The following NFE2L1 variants were observed in gnomAD, a reference collection of about 807,000 sequenced individuals.
NFE2L1 encodes endoplasmic reticulum membrane sensor NFE2L1.
A neutral mutation model predicts 61.6 loss-of-function variants in NFE2L1; 18 were observed. That is an observed-to-expected ratio of 0.29 (90% CI 0.20 to 0.43). The LOEUF is 0.43. NFE2L1 is among the 20% of genes least tolerant of loss of function. The pLI, the probability that NFE2L1 is intolerant of heterozygous loss-of-function variation, is 1.00. For missense variants in NFE2L1, 827 were observed against 973.5 expected, an observed-to-expected ratio of 0.85 and a Z score of 2.00; for synonymous variants, 419 against 402.7, an observed-to-expected ratio of 1.04 and a Z score of -0.48.
rs1184231085 is a variant in NFE2L1 at position 48,050,683 on chromosome 17, G to A, written c.-436G>A. On this transcript the variant is annotated 5_prime_UTR_variant, in exon 2 of 6. Transcript: ENST00000362042. ...CCAAGACGAAAGGCCTGTAGCTCCAGCCAAAGAAAATAAACCTTAGGAGGG... is the reference window on the plus strand; with the variant it reads ...CCAAGACGAAAGGCCTGTAGCTCCAACCAAAGAAAATAAACCTTAGGAGGG... 11 of 438,188 alleles carry A rather than the reference G, an allele frequency of 2.5e-5. No homozygotes were observed. The highest frequency in any genetic ancestry group is 4.4e-5 in the Non-Finnish European group (11 of 248,372). 27.1% of individuals were successfully genotyped at this position (438,188 alleles called of 1,614,324 possible). A position where few individuals can be genotyped will look rare whatever the true frequency, so the allele number is the denominator to read the frequency against.
intron 2 of NFE2L1, among the ~76,000 whole-genome samples, chr17:48,053,231 T>C (rs1479917815): frequency 1.3e-5 from 2 of 152,130 alleles, no homozygotes; most frequent in African/African-American, 2.4e-5. Context: ...ATTGGGTGGG[T>C]TGGGGCCGAA....
At chr17:48,048,569 G>C (rs1423247181) in intron 1 of NFE2L1, 107 bp downstream of exon 1, 1 of 152,658 alleles carries the variant, frequency 6.6e-6, no homozygotes, top group East Asian at 1.9e-4. Flanking sequence ...CGGGGGCCGA[G>C]CGGGGTTCCC....
chr17:48,051,126 C>G lies in NFE2L1; in HGVS notation c.8C>G (p.Ser3Cys), dbSNP rs1296024456. Residue 3 changes from serine to cysteine, a missense_variant, in exon 2 of 6, where the codon TCT (serine) becomes TGT (cysteine). Ser to Cys is a moderately radical substitution (Grantham distance 112). Coordinates refer to ENST00000362042, the MANE Select transcript of NFE2L1 (RefSeq NM_003204.3). Reference protein sequence around the residue: MLSLKKYLTEGLL... With the variant: MLCLKKYLTEGLL... ...CATTCTGGTCCTTCAGCAATGCTTT[C>G]TCTGAAGAAATACTTAACGGAAGGA... 1.9e-6 allele frequency: 3 copies of G among 1,614,206 alleles called. No homozygotes were observed. The Admixed American group carries it at 5.0e-5, about 27-fold the overall frequency.
At chr17:48,050,205 ACAGTGG>A (rs2037213711) in intron 1 of NFE2L1, among the ~76,000 whole-genome samples, 1 of 152,230 alleles carries the variant, frequency 6.6e-6, no homozygotes, top group Admixed American at 6.5e-5. Context: ...TAGGCCAGGC[ACAGTGG>A]CTCACGCCTG....
Position 48,058,479 on chromosome 17 carries a change from C to A in NFE2L1, c.1157C>A (p.Pro386His). Residue 386 changes from proline (P) to histidine (H), a missense_variant, in exon 6 of 6, where the codon CCT (proline) becomes CAT (histidine). By Grantham distance (77) the Pro-to-His change is moderately conservative. Coordinates refer to ENST00000362042, the MANE Select transcript of NFE2L1 (RefSeq NM_003204.3). ...LLFSPEVESL[P>H]VASSSTLLPL... ...TTCAGCCCCGAGGTGGAAAGCCTGC[C>A]TGTGGCCAGTAGCTCCACGCTGCTC... The A allele has an allele frequency of 6.2e-7, 1 of 1,613,740 alleles. No individual in the cohort carries two copies. The highest frequency in any genetic ancestry group is 8.5e-7 in the Non-Finnish European group (1 of 1,179,780).
chr17:48,058,744 C>T lies in NFE2L1; in HGVS notation c.1422C>T (p.Asp474=). The stretch of plus-strand genomic sequence containing the variant: ...CCTCCCAGCTGGAGGAGGAATTTGA[C>T]TCTGACTCAGGCCTTTCCTTAGACT... ...VQASQLEEEF[D]SDSGLSLDSS... The change falls in exon 6 of 6, where the codon GAC becomes GAT. Residue 474 remains aspartate (D), a synonymous_variant. Coordinates refer to ENST00000362042, the MANE Select transcript of NFE2L1 (RefSeq NM_003204.3). 2 of 1,614,238 alleles carry T rather than the reference C, an allele frequency of 1.2e-6. No homozygotes were observed. Among genetic ancestry groups the T allele is most frequent in the African/African-American group, 1.3e-5 (1 of 75,064 alleles).
rs1307081149 is a variant in NFE2L1, at chr17:48,058,920, T to A, written c.1598T>A (p.Leu533Gln). The change falls in exon 6 of 6, where the codon CTG (leucine) becomes CAG (glutamine). Residue 533 changes from leucine (L) to glutamine (Q), a missense_variant. Coordinates refer to ENST00000362042, the MANE Select transcript of NFE2L1 (RefSeq NM_003204.3). Reference protein sequence around the residue: ...AVGYSSDSETLDLEEAEGAVG... With the variant: ...AVGYSSDSETQDLEEAEGAVG... ...GGCTACAGCTCTGACTCTGAGACCC[T>A]GGATCTGGAAGAGGCCGAGGGTGCT... 4 of 1,613,950 alleles carry A rather than the reference T, an allele frequency of 2.5e-6. No individual in the cohort carries two copies. Among genetic ancestry groups the A allele is most frequent in the African/African-American group, 1.3e-5 (1 of 75,038 alleles).
At chr17:48,054,881 G>A (rs956419139) in intron 2 of NFE2L1, 28 of 1,362,732 alleles carry the variant, frequency 2.1e-5, no homozygotes, top group Non-Finnish European at 2.5e-5. Context: ...AGCACGGGCG[G>A]GGCACCCTCC....
At chr17:48,053,258 C>A (rs1348873283) in intron 2 of NFE2L1, among the ~76,000 whole-genome samples, 2 of 152,148 alleles carry the variant, frequency 1.3e-5, no homozygotes, top group Non-Finnish European at 2.9e-5. Context: ...GGGACTTTGA[C>A]CCTGCTTTCC....
chr17:48,052,272 A>G (rs2037272521), intron 2 of NFE2L1, among the ~76,000 whole-genome samples: 1 of 152,242 alleles, frequency 6.6e-6, no homozygotes, highest in Non-Finnish European at 1.5e-5. Context: ...CTGTCAGAAG[A>G]GATCCTTAGC....
chr17:48,057,931 C>T (rs2037444700), intron 5 of NFE2L1, among the ~76,000 whole-genome samples: 1 of 152,184 alleles, frequency 6.6e-6, no homozygotes, highest in African/African-American at 2.4e-5. Context: ...AAATGATGTG[C>T]CCATCGTCAC....
rs8080228 is a variant in NFE2L1, at chr17:48,049,532, A to G, written c.-513+1070A>G. On this transcript the variant is annotated intron_variant, in intron 1 of 5. Coordinates refer to ENST00000362042, the MANE Select transcript of NFE2L1 (RefSeq NM_003204.3). ...CTCAGCCTCCCGAGTAGCTGGGATT[A>G]CAGGCATGCGCCACCACGCCCGGCT... Among the ~76,000 whole-genome samples the G allele has an allele frequency of 4.7e-3, 721 of 152,258 alleles. 3 individuals are homozygous for G. The highest frequency in any genetic ancestry group is 0.016 in the African/African-American group (676 of 41,554).
intron 1 of NFE2L1, among the ~76,000 whole-genome samples, chr17:48,049,845 G>T (rs1335647653): frequency 1.3e-5 from 2 of 152,204 alleles, no homozygotes; most frequent in Admixed American, 1.3e-4. Flanking sequence ...TTTTTGAACT[G>T]AGAAAAGACA....
chr17:48,051,709 G>T, intron 2 of NFE2L1, 81 bp downstream of exon 2: 2 of 1,505,746 alleles, frequency 1.3e-6, no homozygotes, highest in Non-Finnish European at 1.8e-6. Flanking sequence ...AGAACACTGA[G>T]CCCTGTAAAG....
rs148827257 is a variant in NFE2L1 at position 48,059,693 on chromosome 17, GCTGGAC to G, written c.*73_*78del. Reference sequence around the variant, plus strand: ...CCACCAAGACCGAAACTGGAGAAGGGCTGGACCTGGACCTGGACCTGGACCTACAGC... The same window carrying G: ...CCACCAAGACCGAAACTGGAGAAGGGCTGGACCTGGACCTGGACCTACAGC... On this transcript the variant is annotated 3_prime_UTR_variant, in exon 6 of 6. Coordinates refer to ENST00000362042, the MANE Select transcript of NFE2L1 (RefSeq NM_003204.3). This position sits in a 1 kb window ranked among gnomAD's most constrained non-coding sequence, Gnocchi z 6.1. The G allele has an allele frequency of 0.1, 153,374 of 1,511,544 alleles. 8,299 individuals are homozygous for G. Among genetic ancestry groups the G allele is most frequent in the East Asian group, 0.18 (7,903 of 43,894 alleles). 93.6% of individuals were successfully genotyped at this position (1,511,544 alleles called of 1,614,324 possible). A position where few individuals can be genotyped will look rare whatever the true frequency, so the allele number is the denominator to read the frequency against.
In NFE2L1 at chr17:48,057,435, C is replaced by G. The variant is rs1598291055; in HGVS notation, c.905C>G (p.Thr302Ser). The G allele has an allele frequency of 6.2e-7, 1 of 1,614,098 alleles. No individual in the cohort carries two copies. The highest frequency in any genetic ancestry group is 8.5e-7 in the Non-Finnish European group (1 of 1,180,048). ...LQNNLLSPLL[T>S]GTESPFDLEQ... is the part of the protein sequence containing the mutation. The stretch of plus-strand genomic sequence containing the variant: ...AACAACCTCTTGTCTCCTCTTCTGA[C>G]CGGGACAGAGTCACCATTTGATTTG... Residue 302 changes from threonine to serine, a missense_variant, in exon 5 of 6, where the codon ACC becomes AGC. By Grantham distance (58) the Thr-to-Ser change is moderately conservative (BLOSUM62 1). Transcript: ENST00000362042.
At position 48,051,067 on chromosome 17, in the gene NFE2L1, C is replaced by G. The variant is rs748906658; in HGVS notation, c.-52C>G. 2 of 1,611,586 alleles carry G rather than the reference C, an allele frequency of 1.2e-6. No homozygotes were observed. Among genetic ancestry groups the G allele is most frequent in the Admixed American group, 1.7e-5 (1 of 59,992 alleles). On this transcript the variant is annotated 5_prime_UTR_variant, in exon 2 of 6. Coordinates refer to ENST00000362042, the MANE Select transcript of NFE2L1 (RefSeq NM_003204.3). ...CGGCAGAGCAGTGGCCTTGATTTGTCTTTTGGAAGATTTTAAAAACCAAAA... is the reference window on the plus strand; with the variant it reads ...CGGCAGAGCAGTGGCCTTGATTTGTGTTTTGGAAGATTTTAAAAACCAAAA...
At chr17:48,055,649 T>C (rs546317929) in intron 2 of NFE2L1, among the ~76,000 whole-genome samples, 1 of 151,958 alleles carries the variant, frequency 6.6e-6, no homozygotes, top group South Asian at 2.1e-4. Context: ...GGTGCACCCC[T>C]GGGGATCATC....
At chr17:48,050,572 A>T in intron 1 of NFE2L1, 35 bp from the exon 2 acceptor site, 1 of 409,870 alleles carries the variant, frequency 2.4e-6, no homozygotes, top group Non-Finnish European at 4.3e-6. Flanking sequence ...AAAGTATGGA[A>T]TCTTATCCTG....
Sources: allele counts gnomAD v4.1 joint callset (sites outside exome capture counted in the v4.1 genomes callset), GRCh38; gene constraint gnomAD v4.1.1; non-coding constraint Gnocchi (gnomAD v3.1); transcripts MANE v1.5; gene names NCBI Gene and HGNC (gene_info 2026-07-23, HGNC 2026-07-21).